The following CSAD variants were observed in gnomAD, a reference collection of about 807,000 sequenced individuals.
CSAD encodes the protein cysteine sulfinic acid decarboxylase, also known as P-selectin cytoplasmic tail-associated protein.
A neutral mutation model predicts 61.5 loss-of-function variants in CSAD; 47 were observed. The observed-to-expected ratio is 0.76, with a 90% CI of 0.60 to 0.97. The LOEUF (loss-of-function observed/expected upper bound fraction) is 0.97, where lower values mean the gene tolerates loss of function less well. CSAD is among the 50% of genes least tolerant of loss of function. The pLI is 0.00. For synonymous variants in CSAD, 245 were observed against 252.7 expected, an observed-to-expected ratio of 0.97 and a Z score of 0.29; for missense variants, 611 against 643.6, an observed-to-expected ratio of 0.95 and a Z score of 0.55.
chr12:53,158,720 T>G (rs560706981), intron 16 of CSAD, 36 bp from the exon 17 acceptor site: 6 of 1,599,204 alleles, frequency 3.8e-6, no homozygotes, highest in South Asian at 2.2e-5. Context: ...AGCTGCAGCC[T>G]GGGTCGGCTG....
At position 53,160,339 on chromosome 12, in the gene CSAD, T is replaced by C. The variant is rs372926885; in HGVS notation, c.967-20A>G. On this transcript the variant is annotated intron_variant, in intron 13 of 16. Coordinates refer to ENST00000444623, the MANE Select transcript of CSAD (RefSeq NM_001244705.2). ...CAGGTTCTGTGTGGGGGTGAGGAGA[T>C]TGTCAGACCCTACCCTCTCCACCGA... is the stretch of plus-strand genomic sequence containing the variant. The C allele has an allele frequency of 2.9e-5, 46 of 1,612,356 alleles. No homozygotes were observed. In the African/African-American group the frequency reaches 3.2e-4, roughly 11 times the overall value.
At chr12:53,174,495 T>A (rs1439487839) in intron 2 of CSAD, among the ~76,000 whole-genome samples, 1 of 152,030 alleles carries the variant, frequency 6.6e-6, no homozygotes, top group Non-Finnish European at 1.5e-5. Flanking sequence ...CGGTTCTTTT[T>A]AAACAATATA....
At chr12:53,169,423 G>A (rs1317044505) in intron 10 of CSAD, among the ~76,000 whole-genome samples, 1 of 150,764 alleles carries the variant, frequency 6.6e-6, no homozygotes, top group Non-Finnish European at 1.5e-5. Context: ...AGGTTGCAGT[G>A]AGTCGAGATC....
At chr12:53,169,951 G>A in intron 10 of CSAD, 121 bp downstream of exon 10, 1 of 856,950 alleles carries the variant, frequency 1.2e-6, no homozygotes, top group Non-Finnish European at 1.9e-6. Flanking sequence ...GGTCACTTCA[G>A]CCCACAGGGG....
chr12:53,175,973 C>A (rs1181400570), intron 2 of CSAD, among the ~76,000 whole-genome samples: 1 of 152,232 alleles, frequency 6.6e-6, no homozygotes, highest in Non-Finnish European at 1.5e-5. Flanking sequence ...CACTGACTTT[C>A]TGACTTTAGG....
intron 10 of CSAD, among the ~76,000 whole-genome samples, chr12:53,161,621 A>C (rs1290605417): frequency 1.3e-5 from 2 of 151,864 alleles, no homozygotes; most frequent in African/African-American, 4.8e-5. Context: ...CAAAGCTCAT[A>C]CTCTCAAAGA....
chr12:53,181,045 G>A, upstream of CSAD: 1 of 883,652 alleles, frequency 1.1e-6, no homozygotes, highest in Non-Finnish European at 1.4e-6. Context: ...CCCCGGCCCG[G>A]GAGAGGGCTC....
At chr12:53,159,563 A>G in intron 16 of CSAD, 60 bp downstream of exon 16, 1 of 1,423,828 alleles carries the variant, frequency 7.0e-7, no homozygotes, top group East Asian at 2.4e-5. Context: ...AACAGGGGGC[A>G]GAAGCGCATC....
In CSAD at chr12:53,173,127, G is replaced by C. The variant is rs1940778752; in HGVS notation, c.126+218C>G. ...GGAGGCTGAGGCAGGAGAGCTGCTT[G>C]AGCCCGGGAGACGGAGGTTGCAGTG... On this transcript the variant is annotated intron_variant, in intron 4 of 16. Coordinates refer to ENST00000444623, the MANE Select transcript of CSAD (RefSeq NM_001244705.2). 8 of 476,202 alleles carry C rather than the reference G, an allele frequency of 1.7e-5. No individual in the cohort carries two copies. The South Asian group carries it at 1.8e-4, about 11-fold the overall frequency. 29.5% of individuals were successfully genotyped at this position (476,202 alleles called of 1,614,324 possible).
chr12:53,169,417 T>G (rs1402769465), intron 10 of CSAD, among the ~76,000 whole-genome samples: 2 of 150,946 alleles, frequency 1.3e-5, no homozygotes, highest in Non-Finnish European at 2.9e-5. Context: ...AGGCGGAGGT[T>G]GCAGTGAGTC....
At chr12:53,174,135 T>C (rs372076859) in intron 2 of CSAD, among the ~76,000 whole-genome samples, 1 of 151,844 alleles carries the variant, frequency 6.6e-6, no homozygotes, top group East Asian at 1.9e-4. Context: ...AAACCCCGTC[T>C]CTACTAAAAA....
Position 53,171,387 on chromosome 12 carries a change from G to A in CSAD, c.506C>T (p.Pro169Leu), listed in dbSNP as rs148563778. 14 of 1,613,896 alleles carry A rather than the reference G, an allele frequency of 8.7e-6. No homozygotes were observed. The highest frequency in any genetic ancestry group is 1.6e-4 in the Middle Eastern group (1 of 6,084). The stretch of plus-strand genomic sequence containing the variant: ...GCGGAGGCCCCTCTGCTTGCAATCC[G>A]GGTAGCGCTGATAGCGGGCCAGATT... ...AVNLARYQRY[P>L]DCKQRGLRTL... Residue 169 changes from proline to leucine, a missense_variant, in exon 8 of 17, where the codon CCG (proline) becomes CTG (leucine). Coordinates refer to ENST00000444623, the MANE Select transcript of CSAD (RefSeq NM_001244705.2).
chr12:53,180,602 C>G (rs1489372928), intron 1 of CSAD, 130 bp downstream of exon 1: 10 of 1,284,394 alleles, frequency 7.8e-6, no homozygotes, highest in Admixed American at 4.6e-5. Context: ...CAAGCTCACC[C>G]GCTCTGAGGC....
In CSAD at chr12:53,164,543, GAAAGATGGGAACA is replaced by G. The variant is rs567379576; in HGVS notation, c.703-3167_703-3155del. The G allele has an allele frequency of 4.1e-4, 63 of 154,548 alleles. No homozygotes were observed. The South Asian group carries it at 0.012, about 30-fold the overall frequency. 9.6% of individuals were successfully genotyped at this position (154,548 alleles called of 1,614,324 possible). A position where few individuals can be genotyped will look rare whatever the true frequency, so the allele number is the denominator to read the frequency against. Reference sequence around the variant, plus strand: ...GCTAAATACTGAGTCCACATGGACAGAAAGATGGGAACAAAAGACAGTGGGGACTATAAGAAGC... The same window carrying G: ...GCTAAATACTGAGTCCACATGGACAGAAAGACAGTGGGGACTATAAGAAGC... On this transcript the variant is annotated intron_variant, in intron 10 of 16. Transcript: ENST00000444623.
intron 1 of CSAD, chr12:53,180,189 G>T: frequency 1.0e-6 from 1 of 985,410 alleles, no homozygotes; most frequent in Non-Finnish European, 1.2e-6. Context: ...AGTGTGCGAA[G>T]AAAAGTTAAC....
intron 1 of CSAD, 21 bp downstream of exon 1, chr12:53,180,711 G>A: frequency 7.9e-7 from 1 of 1,269,482 alleles, no homozygotes; most frequent in Non-Finnish European, 1.0e-6. Context: ...AACGGGCCGG[G>A]GTTGGTGTTT....
rs928240411 is a variant in CSAD, at chr12:53,178,535, G to T, written c.-50+567C>A. 19 of 295,154 alleles carry T rather than the reference G, an allele frequency of 6.4e-5. 1 individual carries two copies. Among genetic ancestry groups the T allele is most frequent in the South Asian group, 2.8e-4 (10 of 36,252 alleles). 18.3% of individuals were successfully genotyped at this position (295,154 alleles called of 1,614,324 possible). ...GGCCGGGTGTGGTGGCTCACACCTG[G>T]AATCCCAGCACTTTGGGAGGCCAAG... On this transcript the variant is annotated intron_variant, in intron 2 of 16. Coordinates refer to ENST00000444623, the MANE Select transcript of CSAD (RefSeq NM_001244705.2).
At chr12:53,161,458 G>T in intron 10 of CSAD, 69 bp from the exon 11 acceptor site, 2 of 1,317,822 alleles carry the variant, frequency 1.5e-6, no homozygotes, top group Non-Finnish European at 2.2e-6. Context: ...CTGATGCTGG[G>T]CCCAGCTCTA....
chr12:53,170,012 C>T, intron 10 of CSAD, 60 bp downstream of exon 10: 4 of 1,438,990 alleles, frequency 2.8e-6, no homozygotes, highest in Non-Finnish European at 3.9e-6. Context: ...AAAGGAGAGC[C>T]CAAATAACCC....
Sources: allele counts gnomAD v4.1 joint callset (sites outside exome capture counted in the v4.1 genomes callset), GRCh38; gene constraint gnomAD v4.1.1; transcripts MANE v1.5; gene names NCBI Gene and HGNC (gene_info 2026-07-23, HGNC 2026-07-21).